The following AK5 variants were observed in gnomAD, a reference collection of about 807,000 sequenced individuals.
AK5 encodes adenylate kinase isoenzyme 5.
Under a neutral mutation model 69.5 loss-of-function variants are expected in AK5, and 27 were observed. That is an observed-to-expected ratio of 0.39 (90% CI 0.29 to 0.54). The LOEUF is 0.54. Among genes scored for constraint, AK5 ranks in the 20% least tolerant of loss-of-function variants. The pLI, the probability that AK5 is intolerant of heterozygous loss-of-function variation, is 0.71. For missense variants in AK5, 531 were observed against 700.4 expected, an observed-to-expected ratio of 0.76 and a Z score of 2.73; for synonymous variants, 260 against 244.4, an observed-to-expected ratio of 1.06 and a Z score of -0.60.
intron 6 of AK5, among the ~76,000 whole-genome samples, chr1:77,375,561 C>T (rs1647210159): frequency 6.6e-6 from 1 of 152,122 alleles, no homozygotes; most frequent in Non-Finnish European, 1.5e-5. Flanking sequence ...TTTCTTTTTA[C>T]AATCTATAGG....
intron 8 of AK5, among the ~76,000 whole-genome samples, chr1:77,450,454 T>A (rs1653074485): frequency 6.6e-6 from 1 of 152,220 alleles, no homozygotes; most frequent in Admixed American, 6.5e-5. Flanking sequence ...TTTCACTGAA[T>A]ATTCATACTC....
At chr1:77,285,524 G>A (rs565499598) in intron 1 of AK5, among the ~76,000 whole-genome samples, 5 of 152,198 alleles carry the variant, frequency 3.3e-5, no homozygotes, top group East Asian at 1.9e-4. Context: ...GCCCTTCAAA[G>A]GGTGTTTTGT....
chr1:77,421,246 C>A (rs1650792713), intron 8 of AK5, among the ~76,000 whole-genome samples: 1 of 152,128 alleles, frequency 6.6e-6, no homozygotes, highest in Admixed American at 6.6e-5. Flanking sequence ...TATCCTCAGA[C>A]AACTATATTA....
intron 8 of AK5, among the ~76,000 whole-genome samples, chr1:77,440,959 G>A (rs1235016536): frequency 1.3e-5 from 2 of 152,162 alleles, no homozygotes; most frequent in Non-Finnish European, 2.9e-5. Context: ...ATGTTGGCCA[G>A]GCTGGTCTCC....
At chr1:77,433,347 G>A (rs1651763495) in intron 8 of AK5, among the ~76,000 whole-genome samples, 1 of 152,086 alleles carries the variant, frequency 6.6e-6, no homozygotes, top group South Asian at 2.1e-4. Flanking sequence ...TGTAAAATAT[G>A]TTTAGTTTTA....
At chr1:77,438,163 T>A (rs932415575) in intron 8 of AK5, among the ~76,000 whole-genome samples, 1 of 151,742 alleles carries the variant, frequency 6.6e-6, no homozygotes, top group African/African-American at 2.4e-5. Context: ...CTTTGGAAAC[T>A]AGCAAAATTA....
At chr1:77,332,405 T>C (rs75445477) in intron 5 of AK5, among the ~76,000 whole-genome samples, 2,386 of 150,500 alleles carry the variant, frequency 0.016, 36 homozygotes, top group South Asian at 0.057. Flanking sequence ...AATTTTTCTT[T>C]TTTTTTTTAC....
rs530634565 is a variant in AK5, at chr1:77,466,277, A to G, written c.1060-17040A>G. On this transcript the variant is annotated intron_variant, in intron 8 of 13. Coordinates refer to ENST00000354567, the MANE Select transcript of AK5 (RefSeq NM_174858.3). ...TTTCCTTCCCTTCTCCACTTGCCCA[A>G]CTCAGAGTCCACTCCTCAGCCCAAT... Among the ~76,000 whole-genome samples the G allele has an allele frequency of 4.8e-4, 73 of 152,070 alleles. No homozygotes were observed. The South Asian group carries it at 0.014, about 29-fold the overall frequency.
chr1:77,424,177 C>T lies in AK5; in HGVS notation c.1059+6462C>T, dbSNP rs146222577. Among the ~76,000 whole-genome samples the T allele has an allele frequency of 2.3e-3, 349 of 152,242 alleles. 2 individuals carry two copies. The highest frequency in any genetic ancestry group is 3.9e-3 in the Non-Finnish European group (265 of 67,998). On this transcript the variant is annotated intron_variant, in intron 8 of 13. Transcript: ENST00000354567. ...GTCAAGGAAAAATTACAAGGTATGT[C>T]AAAAGGCAAAAAACATGATTTGAAT...
intron 8 of AK5, among the ~76,000 whole-genome samples, chr1:77,455,986 T>G (rs1383567169): frequency 6.6e-6 from 1 of 152,170 alleles, no homozygotes; most frequent in Non-Finnish European, 1.5e-5. Context: ...TTTTTAAAAT[T>G]CATTTAAATG....
intron 8 of AK5, among the ~76,000 whole-genome samples, chr1:77,476,994 G>A (rs1416799459): frequency 8.2e-6 from 1 of 122,526 alleles, no homozygotes; most frequent in Non-Finnish European, 1.7e-5. Context: ...ATTTTTGATT[G>A]TTCTTTTTAG....
chr1:77,513,963 G>T (rs1163972774), intron 10 of AK5, among the ~76,000 whole-genome samples: 2 of 152,162 alleles, frequency 1.3e-5, no homozygotes, highest in Non-Finnish European at 2.9e-5. Context: ...GGCAGACTTA[G>T]ACTCCCTGGG....
intron 5 of AK5, among the ~76,000 whole-genome samples, chr1:77,339,644 CTTT>C (rs34298832): frequency 0.037 from 4,538 of 123,052 alleles, 92 homozygotes; most frequent in Non-Finnish European, 0.056. Flanking sequence ...TTAGCAATAT[CTTT>C]TTTTTTTTTT....
intron 8 of AK5, among the ~76,000 whole-genome samples, chr1:77,455,843 T>C (rs1445134167): frequency 6.6e-6 from 1 of 152,124 alleles, no homozygotes; most frequent in African/African-American, 2.4e-5. Flanking sequence ...CCCAGGTGAT[T>C]GTAATGTGTG....
chr1:77,348,869 A>T (rs1246947158), intron 6 of AK5, among the ~76,000 whole-genome samples: 1 of 152,200 alleles, frequency 6.6e-6, no homozygotes, highest in Non-Finnish European at 1.5e-5. Context: ...CTTCAGAGTT[A>T]GGTCTTCATT....
In AK5 at chr1:77,558,880, T is replaced by A. The variant is rs1304168629; in HGVS notation, c.*210T>A. ...TGTATTTGGGACTATATCAACCTAT[T>A]CTCCACACTTCAGACAACTGTCTGC... On this transcript the variant is annotated 3_prime_UTR_variant, in exon 14 of 14. Coordinates refer to ENST00000354567, the MANE Select transcript of AK5 (RefSeq NM_174858.3). 1.9e-6 allele frequency: 1 copy of A among 529,612 alleles called. No individual in the cohort carries two copies. The highest frequency in any genetic ancestry group is 3.5e-6 in the Non-Finnish European group (1 of 289,348). The allele number at this position is 529,612 out of a possible 1,614,324, so 32.8% of individuals were successfully genotyped here. A position where few individuals can be genotyped will look rare whatever the true frequency, so the allele number is the denominator to read the frequency against.
intron 5 of AK5, among the ~76,000 whole-genome samples, chr1:77,327,863 G>T (rs997836266): frequency 6.6e-6 from 1 of 152,130 alleles, no homozygotes; most frequent in African/African-American, 2.4e-5. Flanking sequence ...TCTTCCAGAT[G>T]ATCTGTTTGC....
intron 8 of AK5, among the ~76,000 whole-genome samples, chr1:77,471,037 T>A (rs1228840429): frequency 6.6e-6 from 1 of 150,930 alleles, no homozygotes; most frequent in Non-Finnish European, 1.5e-5. Context: ...TGTGCCACCA[T>A]GCCTGGCTAA....
At chr1:77,529,559 G>A (rs1312480296) in intron 12 of AK5, among the ~76,000 whole-genome samples, 3 of 152,030 alleles carry the variant, frequency 2.0e-5, no homozygotes, top group Admixed American at 6.6e-5. Context: ...TCCTGACCTC[G>A]TGATCTGCCC....
Sources: allele counts gnomAD v4.1 joint callset (sites outside exome capture counted in the v4.1 genomes callset), GRCh38; gene constraint gnomAD v4.1.1; transcripts MANE v1.5; gene names NCBI Gene and HGNC (gene_info 2026-07-23, HGNC 2026-07-21).